IFT80: variants seen among roughly 807,000 people sequenced by gnomAD.
IFT80 encodes the protein intraflagellar transport 80, also known as intraflagellar transport protein 80 homolog.
A neutral mutation model predicts 107.9 loss-of-function variants in IFT80; 79 were observed. The ratio of observed to expected loss-of-function variants is 0.73; its 90% confidence interval spans 0.61 to 0.88. The LOEUF is 0.88. Ranked by LOEUF, IFT80 falls within the 40% of genes least tolerant of loss-of-function variation. The pLI, the probability that IFT80 is intolerant of heterozygous loss-of-function variation, is 0.00. For synonymous variants in IFT80, 299 were observed against 300.9 expected (o/e 0.99, Z 0.07); for missense variants, 797 against 914.2 (o/e 0.87, Z 1.65).
At chr3:160,349,021 C>T (rs1348452022) in intron 8 of IFT80, among the ~76,000 whole-genome samples, 1 of 151,988 alleles carries the variant, frequency 6.6e-6, no homozygotes, top group African/African-American at 2.4e-5. Context: ...GGTTGCACAA[C>T]CCTATGAATA....
At position 160,258,496 on chromosome 3, in the gene IFT80, A is replaced by C; in HGVS notation, c.*29T>G. 1.9e-6 allele frequency: 3 copies of C among 1,613,258 alleles called. No individual in the cohort carries two copies. In the South Asian group the frequency reaches 3.3e-5, roughly 18 times the overall value. On this transcript the variant is annotated 3_prime_UTR_variant, in exon 20 of 20. Coordinates refer to ENST00000326448, the MANE Select transcript of IFT80 (RefSeq NM_020800.3). ...GGTTAATCAGAACGTGTTTCAAAAG[A>C]TAAAATTTCTTAAAGATACGCATGG... is the stretch of plus-strand genomic sequence containing the variant.
chr3:160,326,274 G>A (rs1718669579), intron 8 of IFT80, among the ~76,000 whole-genome samples: 1 of 151,974 alleles, frequency 6.6e-6, no homozygotes, highest in Non-Finnish European at 1.5e-5. Context: ...GAGACATACT[G>A]GAACTATTCC....
intron 12 of IFT80, among the ~76,000 whole-genome samples, chr3:160,292,845 C>T (rs923244558): frequency 2.6e-5 from 4 of 152,134 alleles, no homozygotes; most frequent in South Asian, 2.1e-4. Flanking sequence ...CCTGACACCA[C>T]GGTCCCAAGA....
chr3:160,277,047 G>C (rs1265908846), intron 18 of IFT80, among the ~76,000 whole-genome samples: 1 of 152,118 alleles, frequency 6.6e-6, no homozygotes, highest in Admixed American at 6.6e-5. Context: ...AAATGGTATG[G>C]TGTCATGATC....
intron 3 of IFT80, among the ~76,000 whole-genome samples, chr3:160,378,658 A>G (rs1467543440): frequency 6.6e-6 from 1 of 151,906 alleles, no homozygotes; most frequent in Non-Finnish European, 1.5e-5. Flanking sequence ...AAAAAAAAAA[A>G]TCACTGTAGC....
intron 11 of IFT80, among the ~76,000 whole-genome samples, chr3:160,303,178 A>G (rs1025621531): frequency 1.3e-5 from 2 of 152,166 alleles, no homozygotes; most frequent in Non-Finnish European, 2.9e-5. Flanking sequence ...TTATGGGTAG[A>G]TATTTTAGGT....
intron 1 of IFT80, chr3:160,394,110 T>C (rs1713593089): frequency 6.6e-6 from 1 of 152,220 alleles, no homozygotes; most frequent in Non-Finnish European, 1.5e-5. Context: ...ACACTTGAGC[T>C]GAGATCTCTT....
intron 8 of IFT80, among the ~76,000 whole-genome samples, chr3:160,326,958 A>G (rs1718716904): frequency 6.6e-6 from 1 of 152,208 alleles, no homozygotes; most frequent in African/African-American, 2.4e-5. Flanking sequence ...TCTTAAGCTG[A>G]TAATCAACTT....
chr3:160,328,461 C>CAA lies in IFT80; in HGVS notation c.778-8524_778-8523dup, dbSNP rs1236379581. On this transcript the variant is annotated intron_variant, in intron 8 of 19. Coordinates refer to ENST00000326448, the MANE Select transcript of IFT80 (RefSeq NM_020800.3). ...TGGGTGACAGAGGGAGACTCCATCT[C>CAA]AAAAAAAAAAAAAAAAAAAAAAGGT... is the stretch of plus-strand genomic sequence containing the variant. Among the ~76,000 whole-genome samples, 357 of 46,826 alleles carry CAA rather than the reference C, an allele frequency of 7.6e-3. 3 individuals carry two copies. Among genetic ancestry groups the CAA allele is most frequent in the African/African-American group, 0.012 (147 of 12,516 alleles). 30.7% of individuals were successfully genotyped at this position (46,826 alleles called of 152,430 possible). A position where few individuals can be genotyped will look rare whatever the true frequency, so the allele number is the denominator to read the frequency against.
intron 8 of IFT80, among the ~76,000 whole-genome samples, chr3:160,321,771 C>G (rs1718235609): frequency 6.6e-6 from 1 of 151,716 alleles, no homozygotes; most frequent in Admixed American, 6.6e-5. Context: ...GAAAGAGAAA[C>G]TGTGAAAAAG....
intron 12 of IFT80, among the ~76,000 whole-genome samples, chr3:160,288,377 A>G (rs1715262583): frequency 6.6e-6 from 1 of 152,126 alleles, no homozygotes; most frequent in African/African-American, 2.4e-5. Context: ...AAACAAAACT[A>G]TAAAAACCCT....
intron 10 of IFT80, among the ~76,000 whole-genome samples, chr3:160,307,180 C>T (rs1716888532): frequency 6.6e-6 from 1 of 152,144 alleles, no homozygotes; most frequent in South Asian, 2.1e-4. Flanking sequence ...CAGGGTCTCA[C>T]TCTGTTGTTC....
intron 8 of IFT80, among the ~76,000 whole-genome samples, chr3:160,323,614 G>A (rs1718448529): frequency 6.6e-6 from 1 of 151,928 alleles, no homozygotes; most frequent in Admixed American, 6.6e-5. Context: ...GAATCTCTGG[G>A]ACACATTCAA....
In IFT80 at chr3:160,277,874, T is replaced by C. The variant is rs374210833; in HGVS notation, c.1837-204A>G. On this transcript the variant is annotated intron_variant, in intron 16 of 19. Transcript: ENST00000326448. ...TATTAATACACAGAAAACTTTTGAA[T>C]GAAATTTTCAATTTTGAGTTATTAA... Among the ~76,000 whole-genome samples, 16 of 152,316 alleles carry C rather than the reference T, an allele frequency of 1.1e-4. No homozygotes were observed. In the East Asian group the frequency reaches 1.2e-3, roughly 11 times the overall value.
intron 8 of IFT80, chr3:160,320,184 T>G (rs17826137): frequency 2.4e-6 from 1 of 417,102 alleles, no homozygotes; most frequent in East Asian, 4.0e-5. Context: ...AAAACCCACA[T>G]CATCTCAATG....
intron 1 of IFT80, among the ~76,000 whole-genome samples, chr3:160,393,005 A>G (rs1713499467): frequency 6.6e-6 from 1 of 152,180 alleles, no homozygotes; most frequent in African/African-American, 2.4e-5. Context: ...ACAGGAGCTT[A>G]AAGTTACAGT....
At chr3:160,282,246 C>G (rs1459935877) in intron 14 of IFT80, among the ~76,000 whole-genome samples, 1 of 152,148 alleles carries the variant, frequency 6.6e-6, no homozygotes, top group African/African-American at 2.4e-5. Context: ...TGCCACTCCA[C>G]TCCAGCATGG....
chr3:160,303,699 T>C (rs1716612428), intron 11 of IFT80, among the ~76,000 whole-genome samples: 1 of 152,226 alleles, frequency 6.6e-6, no homozygotes, highest in African/African-American at 2.4e-5. Context: ...TGAATAATTT[T>C]CTAAGACTGT....
At chr3:160,322,309 G>T (rs1718298865) in intron 8 of IFT80, among the ~76,000 whole-genome samples, 1 of 150,856 alleles carries the variant, frequency 6.6e-6, no homozygotes, top group Non-Finnish European at 1.5e-5. Flanking sequence ...CCTTGCAATA[G>T]TTTACTGAGA....
Sources: gnomAD v4.1 joint callset for allele counts (sites outside exome capture counted in the v4.1 genomes callset) on GRCh38, gnomAD v4.1.1 for gene constraint, MANE v1.5 for transcripts, NCBI Gene and HGNC (gene_info 2026-07-23, HGNC 2026-07-21) for gene names.